Variants in NFIX observed in about 807,000 individuals in gnomAD.
NFIX encodes the protein nuclear factor I X, also known as nuclear factor 1 X-type.
In NFIX, 2 loss-of-function variants were observed where a neutral mutation model predicts 53.3. That is an observed-to-expected ratio of 0.04 (90% CI 0.02 to 0.12). NFIX has a LOEUF of 0.12. NFIX is among the 10% of genes least tolerant of loss of function. NFIX has a pLI of 1.00. For missense variants in NFIX, 310 were observed against 674.5 expected, an observed-to-expected ratio of 0.46 and a Z score of 5.99; for synonymous variants, 244 against 289.0, an observed-to-expected ratio of 0.84 and a Z score of 1.58.
chr19:13,026,882 G>T (rs749154876), intron 2 of NFIX, among the ~76,000 whole-genome samples: 1 of 152,102 alleles, frequency 6.6e-6, no homozygotes, highest in Non-Finnish European at 1.5e-5. Flanking sequence ...GTTTCTCCGC[G>T]AGTGTGTGTC....
intron 1 of NFIX, among the ~76,000 whole-genome samples, chr19:13,010,927 C>T (rs1217191287): frequency 6.6e-6 from 1 of 152,228 alleles, no homozygotes; most frequent in Admixed American, 6.5e-5. Flanking sequence ...TGGGACATCC[C>T]AGAACTGCCG....
At chr19:13,026,989 A>G (rs957127766) in intron 2 of NFIX, among the ~76,000 whole-genome samples, 2 of 152,214 alleles carry the variant, frequency 1.3e-5, no homozygotes, top group African/African-American at 4.8e-5. Flanking sequence ...GAGGAATGAT[A>G]TAACTGGATC....
In NFIX at chr19:13,022,731, C is replaced by A. The variant is rs1044133954; in HGVS notation, c.28-2290C>A. On this transcript the variant is annotated intron_variant, in intron 1 of 10. Transcript: ENST00000592199. This position sits in a 1 kb window ranked among gnomAD's most constrained non-coding sequence, Gnocchi z 4.5. ...CTGGGGCTCCCGCCCGCCAGCCCGCCGGGAGTCAGGCCTTTATTTATTTAT... is the reference window on the plus strand; with the variant it reads ...CTGGGGCTCCCGCCCGCCAGCCCGCAGGGAGTCAGGCCTTTATTTATTTAT... Among the ~76,000 whole-genome samples the A allele has an allele frequency of 6.6e-6, 1 of 152,134 alleles. No homozygotes were observed. The highest frequency in any genetic ancestry group is 1.5e-5 in the Non-Finnish European group (1 of 68,006).
chr19:13,088,041 C>T lies in NFIX; in HGVS notation c.1307C>T (p.Pro436Leu). ...KVPGSFLLPP[P>L]PPVARPVPLP... ...CCGGGGTCATTTTTGCTACCGCCGC[C>T]GCCTCCAGTGGCCAGACCTGTGCCC... Residue 436 changes from proline to leucine, a missense_variant, in exon 9 of 11, where the codon CCG becomes CTG. By Grantham distance (98) the Pro-to-Leu change is moderately conservative. This residue lies in a region of NFIX where 35 missense variants were observed against 114.8 expected (regional missense o/e 0.30). Coordinates refer to ENST00000592199, the MANE Select transcript of NFIX (RefSeq NM_001365902.3). This position sits in a 1 kb window ranked among gnomAD's most constrained non-coding sequence, Gnocchi z 5.9. 1.3e-6 allele frequency: 2 copies of T among 1,536,224 alleles called. No individual in the cohort carries two copies. The highest frequency in any genetic ancestry group is 8.7e-7 in the Non-Finnish European group (1 of 1,146,936).
rs1451320020 is a variant in NFIX at position 13,073,383 on chromosome 19, TG to T, written c.623-37del. 1 of 1,552,600 alleles carries T rather than the reference TG, an allele frequency of 6.4e-7. No individual in the cohort carries two copies. The highest frequency in any genetic ancestry group is 1.7e-5 in the Admixed American group (1 of 59,950). ...TGGAAATAGCCAGGCAGCCCCCTTC[TG>T]GCCTTGTCTTGACTCACTCATCCTT... On this transcript the variant is annotated intron_variant, in intron 3 of 10. Transcript: ENST00000592199. This position sits in a 1 kb window ranked among gnomAD's most constrained non-coding sequence, Gnocchi z 4.5.
chr19:13,029,496 C>T (rs543667049), intron 2 of NFIX, among the ~76,000 whole-genome samples: 1 of 152,258 alleles, frequency 6.6e-6, no homozygotes, highest in South Asian at 2.1e-4. Flanking sequence ...TAGTCCTTCT[C>T]CTCTTCCTCT....
intron 2 of NFIX, among the ~76,000 whole-genome samples, chr19:13,047,969 G>C (rs931067): frequency 4.6e-5 from 7 of 152,006 alleles, no homozygotes; most frequent in Admixed American, 1.3e-4. Context: ...TCTGCTTCTC[G>C]ACCTGTGTTT....
At chr19:13,055,483 C>T (rs951413882) in intron 2 of NFIX, among the ~76,000 whole-genome samples, 1 of 152,190 alleles carries the variant, frequency 6.6e-6, no homozygotes, top group Non-Finnish European at 1.5e-5. Flanking sequence ...GGGCCGGCCG[C>T]ACTCCCGCCA....
rs191308637 is a variant in NFIX, at chr19:13,011,047, A to G, written c.28-13974A>G. On this transcript the variant is annotated intron_variant, in intron 1 of 10. Coordinates refer to ENST00000592199, the MANE Select transcript of NFIX (RefSeq NM_001365902.3). The surrounding 1 kb of genome is among the most constrained non-coding windows in gnomAD (Gnocchi z 6.5). The stretch of plus-strand genomic sequence containing the variant: ...CCCCCTCTTCCCGCTCCACGTTTGT[A>G]CTTGGATTTTACCACCCCCACTAGG... 9.9e-5 allele frequency among the ~76,000 whole-genome samples: 15 copies of G among 152,226 alleles called. No homozygotes were observed. Among genetic ancestry groups the G allele is most frequent in the Admixed American group, 9.1e-4 (14 of 15,306 alleles).
intron 8 of NFIX, 95 bp from the exon 9 acceptor site, chr19:13,087,894 C>G (rs2017880931): frequency 6.9e-7 from 1 of 1,456,542 alleles, no homozygotes; most frequent in Non-Finnish European, 9.2e-7. Flanking sequence ...ACCGGGAGCG[C>G]CCGCTCTCAG....
chr19:13,062,869 C>T (rs2016177230), intron 2 of NFIX, among the ~76,000 whole-genome samples: 2 of 152,194 alleles, frequency 1.3e-5, no homozygotes, highest in Non-Finnish European at 2.9e-5. Flanking sequence ...ATTGAGTGCT[C>T]TCTCACAGGG....
At position 13,078,604 on chromosome 19, in the gene NFIX, T is replaced by TC. The variant is rs756027790; in HGVS notation, c.956-3dup. The TC allele has an allele frequency of 1.9e-6, 3 of 1,595,596 alleles. No homozygotes were observed. The highest frequency in any genetic ancestry group is 2.3e-5 in the South Asian group (2 of 87,496). On this transcript the variant is annotated splice_polypyrimidine_tract_variant and intron_variant, in intron 6 of 10. Transcript: ENST00000592199. The surrounding 1 kb of genome is among the most constrained non-coding windows in gnomAD (Gnocchi z 4.7). ...AAACCTGCCCTGTGTTGCTGCTTCC[T>TC]CCCCCCAGGCCCGGCTTCTCTAAAG... is the stretch of plus-strand genomic sequence containing the variant.
intron 2 of NFIX, among the ~76,000 whole-genome samples, chr19:13,047,767 T>G (rs761304796): frequency 1.1e-4 from 17 of 152,278 alleles, no homozygotes; most frequent in African/African-American, 3.4e-4. Flanking sequence ...TCCCCTGCTC[T>G]CTCTCTCCTG....
chr19:13,048,144 T>A (rs550399082), intron 2 of NFIX, among the ~76,000 whole-genome samples: 1 of 152,356 alleles, frequency 6.6e-6, no homozygotes, highest in South Asian at 2.1e-4. Context: ...GCAGCAGCCC[T>A]GGGGCCTGTC....
chr19:13,024,454 T>A, intron 1 of NFIX: 1 of 1,456,744 alleles, frequency 6.9e-7, no homozygotes. Context: ...AAGCCTGATC[T>A]GTTTCCTCAC....
intron 6 of NFIX, among the ~76,000 whole-genome samples, chr19:13,076,131 C>A (rs2017087965): frequency 6.6e-6 from 1 of 152,162 alleles, no homozygotes; most frequent in South Asian, 2.1e-4. Context: ...AACCCCCACC[C>A]CCAGTTTTGA....
intron 1 of NFIX, among the ~76,000 whole-genome samples, chr19:12,999,565 G>A (rs2011601591): frequency 6.6e-6 from 1 of 152,034 alleles, no homozygotes; most frequent in Admixed American, 6.6e-5. Flanking sequence ...GGATAAAAAG[G>A]CAAACATGCC....
chr19:13,016,064 A>G (rs1327519787), intron 1 of NFIX, among the ~76,000 whole-genome samples: 1 of 152,164 alleles, frequency 6.6e-6, no homozygotes, highest in African/African-American at 2.4e-5. Flanking sequence ...GTGGGGTTAC[A>G]TGGGTGTGTT....
intron 8 of NFIX, 136 bp from the exon 9 acceptor site, chr19:13,087,853 C>G (rs1027498870): frequency 3.4e-6 from 3 of 893,848 alleles, no homozygotes; most frequent in Admixed American, 2.3e-5. Context: ...ATCCTGTGCC[C>G]TGGAGGAGAG....
Sources: gnomAD v4.1 joint callset for allele counts (sites outside exome capture counted in the v4.1 genomes callset) on GRCh38, gnomAD v4.1.1 for gene constraint, gnomAD v4.1.1 regional missense constraint, Gnocchi (gnomAD v3.1) non-coding constraint, MANE v1.5 for transcripts, NCBI Gene and HGNC (gene_info 2026-07-23, HGNC 2026-07-21) for gene names.